Variants in PTPRG observed in about 807,000 individuals in gnomAD.
PTPRG encodes receptor-type tyrosine-protein phosphatase gamma.
A neutral mutation model predicts 165.3 loss-of-function variants in PTPRG; 102 were observed. The observed-to-expected ratio is 0.62, with a 90% confidence interval of 0.53 to 0.73. PTPRG has a LOEUF of 0.73. PTPRG is among the 30% of genes least tolerant of loss of function. The pLI, the probability that PTPRG is intolerant of heterozygous loss-of-function variation, is 0.00. For missense variants in PTPRG, 1,866 were observed against 1,861.4 expected (o/e 1.00, Z -0.05); for synonymous variants, 675 against 669.5 (o/e 1.01, Z -0.13).
chr3:62,049,304 T>C (rs1313653475), intron 4 of PTPRG, among the ~76,000 whole-genome samples: 1 of 152,194 alleles, frequency 6.6e-6, no homozygotes, highest in Non-Finnish European at 1.5e-5. Context: ...AAACGGGTTT[T>C]AGTTTCTAGG....
At chr3:61,955,285 C>A (rs2040004559) in intron 2 of PTPRG, among the ~76,000 whole-genome samples, 1 of 152,072 alleles carries the variant, frequency 6.6e-6, no homozygotes, top group Non-Finnish European at 1.5e-5. Context: ...TGTGAATGGC[C>A]ACTTTTTTTT....
chr3:61,695,974 T>C (rs1347307824), intron 1 of PTPRG, among the ~76,000 whole-genome samples: 2 of 152,076 alleles, frequency 1.3e-5, no homozygotes, highest in East Asian at 1.9e-4. Context: ...TGGAGTGAGA[T>C]AGGGATTTAA....
In PTPRG at chr3:62,219,943, A is replaced by C. The variant is rs541614411; in HGVS notation, c.2288+960A>C. 1.3e-5 allele frequency among the ~76,000 whole-genome samples: 2 copies of C among 152,376 alleles called. No individual in the cohort carries two copies. Among genetic ancestry groups the C allele is most frequent in the African/African-American group, 4.8e-5 (2 of 41,594 alleles). ...GTAACTGGATAATGGAGAAAGCTTAAATCTGGAAAGGGGAGGGGCCCATGG... is the reference window on the plus strand; with the variant it reads ...GTAACTGGATAATGGAGAAAGCTTACATCTGGAAAGGGGAGGGGCCCATGG... On this transcript the variant is annotated intron_variant, in intron 13 of 29. Transcript: ENST00000474889. This position sits in a 1 kb window ranked among gnomAD's most constrained non-coding sequence, Gnocchi z 4.5.
chr3:61,891,619 T>G (rs1272677879), intron 2 of PTPRG, among the ~76,000 whole-genome samples: 3 of 152,240 alleles, frequency 2.0e-5, no homozygotes, highest in African/African-American at 7.2e-5. Context: ...TTGTTACAGA[T>G]GCTTACCCTC....
At chr3:62,025,449 T>A (rs2041783862) in intron 4 of PTPRG, among the ~76,000 whole-genome samples, 1 of 152,222 alleles carries the variant, frequency 6.6e-6, no homozygotes, top group African/African-American at 2.4e-5. Context: ...ATTTTTTTCT[T>A]CAGTTTTTTT....
intron 2 of PTPRG, among the ~76,000 whole-genome samples, chr3:61,757,239 G>A (rs564167071): frequency 1.4e-4 from 22 of 152,020 alleles, no homozygotes; most frequent in Non-Finnish European, 2.8e-4. Context: ...TGAGAAATGA[G>A]GGATACTACC....
At chr3:61,868,069 A>G (rs904734778) in intron 2 of PTPRG, among the ~76,000 whole-genome samples, 2 of 152,192 alleles carry the variant, frequency 1.3e-5, no homozygotes, top group East Asian at 3.9e-4. Flanking sequence ...CCTATTTTAC[A>G]TAAGCCCCTC....
chr3:61,971,849 A>G (rs2040391599), intron 2 of PTPRG, among the ~76,000 whole-genome samples: 1 of 152,256 alleles, frequency 6.6e-6, no homozygotes, highest in African/African-American at 2.4e-5. Flanking sequence ...CCACTATTTT[A>G]AAGTTAAACT....
rs936215891 is a variant in PTPRG, at chr3:62,297,519, T to C, written c.*4212T>C. 2 of 151,932 alleles carry C rather than the reference T, an allele frequency of 1.3e-5. No individual in the cohort carries two copies. Among genetic ancestry groups the C allele is most frequent in the Non-Finnish European group, 2.9e-5 (2 of 67,918 alleles). The allele number at this position is 151,932 out of a possible 1,614,324, so 9.4% of individuals were successfully genotyped here. A position where few individuals can be genotyped will look rare whatever the true frequency, so the allele number is the denominator to read the frequency against. On this transcript the variant is annotated 3_prime_UTR_variant, in exon 30 of 30. Transcript: ENST00000474889. Reference sequence around the variant, plus strand: ...ACCTGAAATTTTTCCCTTTTTCTTCTGTTTAAACTATATCAAATCATTCTA... The same window carrying C: ...ACCTGAAATTTTTCCCTTTTTCTTCCGTTTAAACTATATCAAATCATTCTA...
chr3:61,577,908 G>A (rs577787164), intron 1 of PTPRG, among the ~76,000 whole-genome samples: 3 of 152,346 alleles, frequency 2.0e-5, no homozygotes, highest in African/African-American at 7.2e-5. Flanking sequence ...AGGATAGCAG[G>A]TTAGGGTCAT....
intron 28 of PTPRG, among the ~76,000 whole-genome samples, chr3:62,284,307 A>ATT (rs1382019197): frequency 6.6e-6 from 1 of 152,048 alleles, no homozygotes; most frequent in Non-Finnish European, 1.5e-5. Context: ...TTTTCAGTAT[A>ATT]TTTGTCTTAT....
chr3:61,900,483 C>T (rs902164695), intron 2 of PTPRG, among the ~76,000 whole-genome samples: 12 of 152,154 alleles, frequency 7.9e-5, no homozygotes, highest in Non-Finnish European at 1.5e-5. Context: ...GGCAAAGACT[C>T]TGTAAGTCCC....
intron 8 of PTPRG, among the ~76,000 whole-genome samples, chr3:62,180,446 C>G (rs1301089114): frequency 1.3e-5 from 2 of 152,198 alleles, no homozygotes; most frequent in Non-Finnish European, 2.9e-5. Flanking sequence ...GGTTCAGACA[C>G]TCAGTTGGAG....
At chr3:62,077,859 G>A (rs1242563844) in intron 4 of PTPRG, among the ~76,000 whole-genome samples, 4 of 151,924 alleles carry the variant, frequency 2.6e-5, no homozygotes, top group South Asian at 2.1e-4. Flanking sequence ...AAAAATTAGC[G>A]GGCATGATGG....
intron 5 of PTPRG, among the ~76,000 whole-genome samples, chr3:62,094,760 A>T (rs567839737): frequency 4.5e-4 from 69 of 152,278 alleles, no homozygotes; most frequent in Middle Eastern, 3.4e-3. Flanking sequence ...ACCAGAAAAG[A>T]TGCTTGTCTT....
chr3:61,583,355 C>G (rs549342105), intron 1 of PTPRG, among the ~76,000 whole-genome samples: 3 of 152,182 alleles, frequency 2.0e-5, no homozygotes, highest in Admixed American at 1.3e-4. Context: ...TATAGTGTCT[C>G]TGTGCTTGCT....
chr3:61,661,963 T>A (rs1299709811), intron 1 of PTPRG, among the ~76,000 whole-genome samples: 1 of 152,202 alleles, frequency 6.6e-6, no homozygotes, highest in Non-Finnish European at 1.5e-5. Context: ...TTTTCTTTAT[T>A]ATTTATACAT....
intron 1 of PTPRG, among the ~76,000 whole-genome samples, chr3:61,664,673 A>G (rs1025306259): frequency 7.9e-5 from 12 of 152,122 alleles, no homozygotes; most frequent in Non-Finnish European, 4.4e-5. Context: ...TCTACAGAAG[A>G]TACAAAAATT....
Position 61,562,326 on chromosome 3 carries a change from C to T in PTPRG, c.39C>T (p.Phe13=), listed in dbSNP as rs1449005789. Residue 13 remains phenylalanine, a synonymous_variant, in exon 1 of 30, where the codon TTC becomes TTT. Transcript: ENST00000474889. Reference sequence around the variant, plus strand: ...TGGAACCGTGTTGGTGGATTTTGTTCCTGAAAATCACCAGTTCCGTGCTCC... The same window carrying T: ...TGGAACCGTGTTGGTGGATTTTGTTTCTGAAAATCACCAGTTCCGTGCTCC... ...RLLEPCWWIL[F]LKITSSVLHY... 7 of 1,613,584 alleles carry T rather than the reference C, an allele frequency of 4.3e-6. No homozygotes were observed. Among genetic ancestry groups the T allele is most frequent in the Middle Eastern group, 1.6e-4 (1 of 6,080 alleles).
Sources: allele counts gnomAD v4.1 joint callset (sites outside exome capture counted in the v4.1 genomes callset), GRCh38; gene constraint gnomAD v4.1.1; non-coding constraint Gnocchi (gnomAD v3.1); transcripts MANE v1.5; gene names NCBI Gene and HGNC (gene_info 2026-07-23, HGNC 2026-07-21).